Variants in ELAVL4 observed in about 807,000 individuals in gnomAD.
ELAVL4 encodes the protein ELAV like RNA binding protein 4.
Under a neutral mutation model 35.6 loss-of-function variants are expected in ELAVL4, and 1 was observed. The observed-to-expected ratio is 0.03, with a 90% CI of 0.01 to 0.13. ELAVL4 has a LOEUF of 0.13. Among genes scored for constraint, ELAVL4 ranks in the 10% least tolerant of loss-of-function variants. The pLI, the probability that ELAVL4 is intolerant of heterozygous loss-of-function variation, is 1.00. For synonymous variants in ELAVL4, 156 were observed against 171.0 expected, an observed-to-expected ratio of 0.91 and a Z score of 0.69; for missense variants, 267 against 464.9, an observed-to-expected ratio of 0.57 and a Z score of 3.91.
At chr1:50,180,548 T>A (rs1201482817) in intron 3 of ELAVL4, 1 of 152,226 alleles carries the variant, frequency 6.6e-6, no homozygotes, top group Non-Finnish European at 1.5e-5. Flanking sequence ...CAATCTGACC[T>A]CTGTTCTCCA....
chr1:50,131,307 A>G (rs936461707), intron 1 of ELAVL4, among the ~76,000 whole-genome samples: 8 of 152,090 alleles, frequency 5.3e-5, no homozygotes, highest in South Asian at 2.1e-4. Context: ...TAAAAGTTTT[A>G]TTTTTGATTT....
chr1:50,193,822 G>T lies in ELAVL4; in HGVS notation c.412G>T (p.Gly138Cys). 6.2e-7 allele frequency: 1 copy of T among 1,613,984 alleles called. No individual in the cohort carries two copies. The highest frequency in any genetic ancestry group is 8.5e-7 in the Non-Finnish European group (1 of 1,179,968). The change falls in exon 4 of 7, where the codon GGC (glycine) becomes TGC (cysteine). Residue 138 changes from glycine (G) to cysteine (C), a missense_variant. Physicochemically the swap from Gly to Cys is radical, Grantham distance 159 (BLOSUM62 -3). This residue lies in a region of ELAVL4 where 216 missense variants were observed against 409.5 expected (regional missense o/e 0.53). Coordinates refer to ENST00000371824, the MANE Select transcript of ELAVL4 (RefSeq NM_001144774.3). ...SIRDANLYVS[G>C]LPKTMTQKEL... ...CAGGGATGCTAACCTCTATGTTAGC[G>T]GCCTTCCCAAAACCATGACCCAGAA... is the stretch of plus-strand genomic sequence containing the variant.
chr1:50,065,005 C>T (rs1341288226), intron 1 of ELAVL4, among the ~76,000 whole-genome samples: 4 of 151,972 alleles, frequency 2.6e-5, no homozygotes, highest in East Asian at 1.9e-4. Flanking sequence ...GTGGAACTGT[C>T]GGCTGGCAAT....
At chr1:50,143,945 C>A (rs1195102612) in intron 1 of ELAVL4, among the ~76,000 whole-genome samples, 2 of 152,284 alleles carry the variant, frequency 1.3e-5, no homozygotes, top group Admixed American at 1.3e-4. Context: ...TACAGGGCAT[C>A]TTCATGACCT....
At chr1:50,141,687 G>A (rs1264415724) in intron 1 of ELAVL4, 1 of 152,240 alleles carries the variant, frequency 6.6e-6, no homozygotes, top group Non-Finnish European at 1.5e-5. Context: ...GGCTTTGCTG[G>A]GTACAACTTC....
At chr1:50,108,724 C>T (rs1666577566), upstream of ELAVL4, among the ~76,000 whole-genome samples, 1 of 152,070 alleles carries the variant, frequency 6.6e-6, no homozygotes, top group Non-Finnish European at 1.5e-5. Context: ...GCCTTAATTA[C>T]CAGACACAAG....
intron 1 of ELAVL4, among the ~76,000 whole-genome samples, chr1:50,075,380 C>T (rs1417700072): frequency 2.0e-5 from 3 of 152,108 alleles, no homozygotes; most frequent in South Asian, 2.1e-4. Flanking sequence ...AAAGTGAGCT[C>T]CTGTATACCC....
chr1:50,149,100 C>G (rs775337551), intron 2 of ELAVL4, among the ~76,000 whole-genome samples: 1 of 152,028 alleles, frequency 6.6e-6, no homozygotes, highest in Non-Finnish European at 1.5e-5. Context: ...AAAGAAAAAT[C>G]TCTAGAAAGA....
chr1:50,109,866 G>T, intron 1 of ELAVL4: 2 of 1,592,564 alleles, frequency 1.3e-6, no homozygotes, highest in South Asian at 1.1e-5. Flanking sequence ...CTGTAAGAAG[G>T]AATGTCAGCT....
At chr1:50,170,235 A>T (rs939097020) in intron 2 of ELAVL4, among the ~76,000 whole-genome samples, 2 of 152,234 alleles carry the variant, frequency 1.3e-5, no homozygotes, top group African/African-American at 4.8e-5. Flanking sequence ...CTTTACATGC[A>T]TTATCACTTT....
intron 1 of ELAVL4, among the ~76,000 whole-genome samples, chr1:50,119,066 AAGAAAG>A (rs1557726817): frequency 7.3e-6 from 1 of 136,064 alleles, no homozygotes; most frequent in African/African-American, 2.9e-5. Flanking sequence ...GAAAGAAAGA[AAGAAAG>A]AAAGAAAGAA....
In ELAVL4 at chr1:50,200,923, G is replaced by A. The variant is rs1442785975; in HGVS notation, c.846G>A (p.Gly282=). The stretch of plus-strand genomic sequence containing the variant: ...ACATCCCTGGTCACACAGGAACTGG[G>A]TGGTGCATCTTTGTCTACAACCTGT... The part of the protein sequence containing the change: ...GMNIPGHTGT[G]WCIFVYNLSP... The change falls in exon 7 of 7, where the codon GGG becomes GGA. Residue 282 remains glycine, a synonymous_variant. Coordinates refer to ENST00000371824, the MANE Select transcript of ELAVL4 (RefSeq NM_001144774.3). The A allele has an allele frequency of 1.2e-6, 2 of 1,614,066 alleles. No individual in the cohort carries two copies. Among genetic ancestry groups the A allele is most frequent in the South Asian group, 1.1e-5 (1 of 91,074 alleles).
intron 2 of ELAVL4, among the ~76,000 whole-genome samples, chr1:50,164,020 T>C (rs1255389088): frequency 1.3e-5 from 2 of 152,206 alleles, no homozygotes; most frequent in South Asian, 2.1e-4. Context: ...CTCTGGGCCG[T>C]AATGGGCCTT....
chr1:50,188,551 G>A (rs925551025), intron 3 of ELAVL4, among the ~76,000 whole-genome samples: 8 of 152,148 alleles, frequency 5.3e-5, no homozygotes, highest in East Asian at 3.8e-4. Context: ...GCCAATTAAG[G>A]CCTGGATGGG....
At chr1:50,084,869 A>G (rs78216532) in intron 1 of ELAVL4, among the ~76,000 whole-genome samples, 6,746 of 152,186 alleles carry the variant, frequency 0.044, 458 homozygotes, top group African/African-American at 0.14. Flanking sequence ...ATAACTTACC[A>G]TTAGTTCATT....
intron 1 of ELAVL4, among the ~76,000 whole-genome samples, chr1:50,117,518 C>T (rs75176035): frequency 0.071 from 10,790 of 152,156 alleles, 1,123 homozygotes; most frequent in African/African-American, 0.23. Flanking sequence ...CTAGCTCTTC[C>T]AGTTACTAAC....
intron 1 of ELAVL4, among the ~76,000 whole-genome samples, chr1:50,061,259 G>A (rs1477201087): frequency 6.6e-6 from 1 of 152,102 alleles, no homozygotes; most frequent in East Asian, 1.9e-4. Context: ...TTGAATAGTG[G>A]CTATTTTCTT....
chr1:50,144,969 A>G lies in ELAVL4; in HGVS notation c.22A>G (p.Met8Val). 11 of 1,613,838 alleles carry G rather than the reference A, an allele frequency of 6.8e-6. No individual in the cohort carries two copies. The highest frequency in any genetic ancestry group is 9.3e-6 in the Non-Finnish European group (11 of 1,179,890). The part of the protein sequence containing the change: MVMIIST[M>V]EPQVSNGPTS... The stretch of plus-strand genomic sequence containing the variant: ...TATTTTTATTTAGATAATTAGCACC[A>G]TGGAGCCTCAGGTGTCAAATGGTCC... Residue 8 changes from methionine to valine, a missense_variant, in exon 2 of 7, where the codon ATG becomes GTG. Transcript: ENST00000371824.
In ELAVL4 at chr1:50,086,391, T is replaced by C. The variant is rs1008092731; in HGVS notation, c.18+38209T>C. ...TTGGGAAATTTTTCTAGTTTGGCTT[T>C]GAAAAAAATAGATTTCAAAATAAGG... On this transcript the variant is annotated intron_variant, in intron 1 of 6. Coordinates refer to the ELAVL4 transcript ENST00000448907. Among the ~76,000 whole-genome samples, 7 of 151,850 alleles carry C rather than the reference T, an allele frequency of 4.6e-5. No individual in the cohort carries two copies. The East Asian group carries it at 1.4e-3, about 29-fold the overall frequency.
Sources: gnomAD v4.1 joint callset for allele counts (sites outside exome capture counted in the v4.1 genomes callset) on GRCh38, gnomAD v4.1.1 for gene constraint, gnomAD v4.1.1 regional missense constraint, MANE v1.5 for transcripts, NCBI Gene and HGNC (gene_info 2026-07-23, HGNC 2026-07-21) for gene names.